Variants in PTPN21 observed in about 807,000 individuals in gnomAD.
The protein encoded by PTPN21 is protein tyrosine phosphatase non-receptor type 21, also known as tyrosine-protein phosphatase non-receptor type 21.
Under a neutral mutation model 131.8 loss-of-function variants are expected in PTPN21, and 77 were observed. The ratio of observed to expected loss-of-function variants is 0.58; its 90% confidence interval spans 0.49 to 0.71. PTPN21 has a LOEUF of 0.71. PTPN21 is among the 30% of genes least tolerant of loss of function. The pLI is 0.00. For synonymous variants in PTPN21, 715 were observed against 621.3 expected, an observed-to-expected ratio of 1.15 and a Z score of -2.24; for missense variants, 1,552 against 1,527.1, an observed-to-expected ratio of 1.02 and a Z score of -0.27.
intron 11 of PTPN21, 127 bp downstream of exon 11, chr14:88,485,655 T>C: frequency 1.7e-6 from 1 of 597,076 alleles, no homozygotes; most frequent in Non-Finnish European, 2.8e-6. Flanking sequence ...ATTTCTTTGG[T>C]TAAAAATGAT....
Position 88,479,210 on chromosome 14 carries a change from G to GGGCCA in PTPN21, c.2216_2220dup (p.Gln741TrpfsTer33), listed in dbSNP as rs1312823264. ...ACGCGAGGGCAGCCAGGTGGGTCCT[G>GGGCCA]GGCCAGGCCGGGCCGAGGCTCGCGC... On this transcript the variant is annotated frameshift_variant, in exon 13 of 19. Coordinates refer to ENST00000556564, the MANE Select transcript of PTPN21 (RefSeq NM_007039.4). LOFTEE classifies it high-confidence loss of function. 6.3e-7 allele frequency: 1 copy of GGGCCA among 1,594,336 alleles called. No homozygotes were observed. Among genetic ancestry groups the GGGCCA allele is most frequent in the Non-Finnish European group, 8.5e-7 (1 of 1,170,864 alleles).
rs542428707 is a variant in PTPN21, at chr14:88,514,468, T to C, written c.350+2624A>G. Among the ~76,000 whole-genome samples, 639 of 148,854 alleles carry C rather than the reference T, an allele frequency of 4.3e-3. 3 individuals carry two copies. Among genetic ancestry groups the C allele is most frequent in the African/African-American group, 0.015 (622 of 40,572 alleles). ...TGTTCTCCCCCTTTGTTTTCTTTTTTCTTTTTTTTTTTTGAGACAGAGTTT... is the reference window on the plus strand; with the variant it reads ...TGTTCTCCCCCTTTGTTTTCTTTTTCCTTTTTTTTTTTTGAGACAGAGTTT... On this transcript the variant is annotated intron_variant, in intron 3 of 18. Transcript: ENST00000556564.
chr14:88,537,579 A>G (rs1356016058), intron 2 of PTPN21, among the ~76,000 whole-genome samples: 2 of 152,206 alleles, frequency 1.3e-5, no homozygotes, highest in Admixed American at 6.5e-5. Flanking sequence ...CTTAATTCCA[A>G]TAGGGAAAAA....
chr14:88,509,766 C>T (rs769226729), intron 3 of PTPN21, among the ~76,000 whole-genome samples: 5 of 152,258 alleles, frequency 3.3e-5, no homozygotes, highest in South Asian at 2.1e-4. Context: ...CTGGGTGCAG[C>T]GGCTCATGCC....
chr14:88,511,925 C>CAA (rs1287060422), intron 3 of PTPN21, among the ~76,000 whole-genome samples: 1 of 152,162 alleles, frequency 6.6e-6, no homozygotes, highest in Non-Finnish European at 1.5e-5. Context: ...CCATTTTGCA[C>CAA]AACAGAAATT....
chr14:88,493,229 T>C, intron 10 of PTPN21: 1 of 352,022 alleles, frequency 2.8e-6, no homozygotes, highest in Non-Finnish European at 5.6e-6. Flanking sequence ...ACTAAATTAT[T>C]GTTATGAATT....
chr14:88,529,006 G>A (rs1481098797), intron 2 of PTPN21, among the ~76,000 whole-genome samples: 3 of 152,146 alleles, frequency 2.0e-5, no homozygotes, highest in African/African-American at 7.2e-5. Context: ...AGGACTTGCA[G>A]TACTACGTTG....
Position 88,529,340 on chromosome 14 carries a change from C to A in PTPN21, c.181-12079G>T, listed in dbSNP as rs533803535. ...AACCTACTTGATCATGGTGTATTATCTTTTTGATATGGTGTTAGATTCAAA... is the reference window on the plus strand; with the variant it reads ...AACCTACTTGATCATGGTGTATTATATTTTTGATATGGTGTTAGATTCAAA... On this transcript the variant is annotated intron_variant, in intron 2 of 18. Coordinates refer to ENST00000556564, the MANE Select transcript of PTPN21 (RefSeq NM_007039.4). Among the ~76,000 whole-genome samples the A allele has an allele frequency of 7.8e-4, 119 of 152,180 alleles. 1 individual carries two copies. The highest frequency in any genetic ancestry group is 2.8e-3 in the African/African-American group (118 of 41,522).
Position 88,479,061 on chromosome 14 carries a change from C to G in PTPN21, c.2370G>C (p.Gly790=). 2 of 1,606,746 alleles carry G rather than the reference C, an allele frequency of 1.2e-6. No individual in the cohort carries two copies. The highest frequency in any genetic ancestry group is 2.2e-5 in the East Asian group (1 of 44,516). The change falls in exon 13 of 19, where the codon GGG becomes GGC. Residue 790 remains glycine, a synonymous_variant. Coordinates refer to ENST00000556564, the MANE Select transcript of PTPN21 (RefSeq NM_007039.4). ...ACTCCGACATGGAGGGCATCAGCAG[C>G]CCGTCTCTCCAGGGCCGCTGGGCCT... is the stretch of plus-strand genomic sequence containing the variant. ...TAEAQRPWRD[G]LLMPSMSESD...
chr14:88,545,506 A>C (rs2078763162), intron 2 of PTPN21, among the ~76,000 whole-genome samples: 1 of 152,138 alleles, frequency 6.6e-6, no homozygotes, highest in Non-Finnish European at 1.5e-5. Context: ...TATGCTTTTA[A>C]AATTGGAGAA....
At chr14:88,521,071 T>C (rs2078383790) in intron 2 of PTPN21, among the ~76,000 whole-genome samples, 1 of 151,892 alleles carries the variant, frequency 6.6e-6, no homozygotes, top group African/African-American at 2.4e-5. Flanking sequence ...GATCTTAAAC[T>C]GGCTTCAAGT....
At position 88,467,945 on chromosome 14, in the gene PTPN21, A is replaced by T; in HGVS notation, c.*192T>A. On this transcript the variant is annotated 3_prime_UTR_variant, in exon 19 of 19. Coordinates refer to ENST00000556564, the MANE Select transcript of PTPN21 (RefSeq NM_007039.4). ...CAAGTCCTCCTTGAGCACCTTTCCC[A>T]GGTTAGAAACCCCTCTTCAGCCTGT... The T allele has an allele frequency of 1.3e-6, 1 of 745,108 alleles. No individual in the cohort carries two copies. The highest frequency in any genetic ancestry group is 2.2e-6 in the Non-Finnish European group (1 of 448,038). The allele number at this position is 745,108 out of a possible 1,614,324, so 46.2% of individuals were successfully genotyped here. A position where few individuals can be genotyped will look rare whatever the true frequency, so the allele number is the denominator to read the frequency against.
chr14:88,524,732 C>T (rs2078448694), intron 2 of PTPN21, among the ~76,000 whole-genome samples: 1 of 152,076 alleles, frequency 6.6e-6, no homozygotes, highest in Non-Finnish European at 1.5e-5. Context: ...AAGCAAGACC[C>T]TGTCTTTACA....
chr14:88,505,445 A>G lies in PTPN21; in HGVS notation c.449-74T>C, dbSNP rs552985281. 4 of 1,011,624 alleles carry G rather than the reference A, an allele frequency of 4.0e-6. No individual in the cohort carries two copies. In the African/African-American group the frequency reaches 4.8e-5, roughly 12 times the overall value. 62.7% of individuals were successfully genotyped at this position (1,011,624 alleles called of 1,614,324 possible). On this transcript the variant is annotated intron_variant, in intron 4 of 18. Transcript: ENST00000556564. ...CAAAATATGCACAACAAAATTCAATACGCAGTATATCTAGATGGTATGCTA... is the reference window on the plus strand; with the variant it reads ...CAAAATATGCACAACAAAATTCAATGCGCAGTATATCTAGATGGTATGCTA...
rs1456850464 is a variant in PTPN21, at chr14:88,554,646, C to G, written c.-203+5G>C. 1.3e-5 allele frequency: 2 copies of G among 150,240 alleles called. No individual in the cohort carries two copies. The highest frequency in any genetic ancestry group is 4.9e-5 in the African/African-American group (2 of 41,174). 9.3% of individuals were successfully genotyped at this position (150,240 alleles called of 1,614,324 possible). On this transcript the variant is annotated splice_donor_5th_base_variant and intron_variant, in intron 1 of 18. Coordinates refer to ENST00000556564, the MANE Select transcript of PTPN21 (RefSeq NM_007039.4). ...CCTCCCGCCGGCCGGGGACCGCGCCCTCACCTGCTCCCGCTCCCGCTCCCG... is the reference window on the plus strand; with the variant it reads ...CCTCCCGCCGGCCGGGGACCGCGCCGTCACCTGCTCCCGCTCCCGCTCCCG...
chr14:88,517,862 TGTATATGTGTATATATACTATATATAC>T (rs1453816272), intron 2 of PTPN21, among the ~76,000 whole-genome samples: 27 of 147,298 alleles, frequency 1.8e-4, no homozygotes, highest in Admixed American at 8.9e-4. Flanking sequence ...TATATATATG[TGTATATGTGTATATATACTATATATAC>T]GTGTATGTGT....
chr14:88,490,305 G>A (rs1334407147), intron 10 of PTPN21, among the ~76,000 whole-genome samples: 1 of 151,962 alleles, frequency 6.6e-6, no homozygotes, highest in Non-Finnish European at 1.5e-5. Flanking sequence ...CACCGTGACC[G>A]GCCGACATGT....
At chr14:88,550,214 C>G in intron 2 of PTPN21, 24 bp downstream of exon 2, 1 of 1,606,074 alleles carries the variant, frequency 6.2e-7, no homozygotes, top group Non-Finnish European at 8.5e-7. Flanking sequence ...CGCGCCTGGC[C>G]TGCAGTGTCT....
chr14:88,517,716 G>T (rs1408073748), intron 2 of PTPN21, among the ~76,000 whole-genome samples: 2 of 136,988 alleles, frequency 1.5e-5, no homozygotes, highest in African/African-American at 2.8e-5. Flanking sequence ...ATATATGTGT[G>T]TATGTGTATA....
Sources: gnomAD v4.1 joint callset for allele counts (sites outside exome capture counted in the v4.1 genomes callset) on GRCh38, gnomAD v4.1.1 for gene constraint, MANE v1.5 for transcripts, NCBI Gene and HGNC (gene_info 2026-07-23, HGNC 2026-07-21) for gene names.